MED23: variants seen among roughly 807,000 people sequenced by gnomAD.
MED23 encodes mediator of RNA polymerase II transcription subunit 23.
In MED23, 105 loss-of-function variants were observed where a neutral mutation model predicts 163.9. The ratio of observed to expected loss-of-function variants is 0.64; its 90% CI spans 0.55 to 0.75. The LOEUF (loss-of-function observed/expected upper bound fraction) is 0.75. Among genes scored for constraint, MED23 ranks in the 30% least tolerant of loss-of-function variants. The pLI is 0.00. For synonymous variants in MED23, 561 were observed against 565.6 expected (o/e 0.99, Z 0.12); for missense variants, 1,054 against 1,649.0 (o/e 0.64, Z 6.25).
At chr6:131,622,000 T>C (rs768734665) in intron 5 of MED23, 21 bp from the exon 6 acceptor site, 2 of 1,562,800 alleles carry the variant, frequency 1.3e-6, no homozygotes, top group South Asian at 1.1e-5. Context: ...AAAAAAGACA[T>C]GGGTTAAAAT....
chr6:131,615,194 G>C, intron 10 of MED23: 1 of 837,432 alleles, frequency 1.2e-6, no homozygotes, highest in Non-Finnish European at 1.8e-6. Flanking sequence ...GTTTTTTAGT[G>C]GCCTTGGTCT....
chr6:131,577,629 C>T (rs112185951), intron 30 of MED23, among the ~76,000 whole-genome samples: 3,016 of 151,948 alleles, frequency 0.02, 119 homozygotes, highest in African/African-American at 0.07. Context: ...TGGTCGGGCA[C>T]GGTGGCTGAG....
Position 131,627,147 on chromosome 6 carries a change from A to G in MED23, c.159+249T>C, listed in dbSNP as rs1263284834. ...TGAAAATGATCTCAATTAATCTAACATAGGGGAGGTTTTTTTTTTTAAACA... is the reference window on the plus strand; with the variant it reads ...TGAAAATGATCTCAATTAATCTAACGTAGGGGAGGTTTTTTTTTTTAAACA... On this transcript the variant is annotated intron_variant, in intron 3 of 28. Transcript: ENST00000368068. 1.8e-5 allele frequency: 8 copies of G among 455,850 alleles called. No individual in the cohort carries two copies. In the Admixed American group the frequency reaches 3.1e-4, roughly 18 times the overall value. The allele number at this position is 455,850 out of a possible 1,614,324, so 28.2% of individuals were successfully genotyped here.
intron 5 of MED23, 128 bp from the exon 6 acceptor site, chr6:131,622,107 T>A: frequency 1.5e-6 from 1 of 646,376 alleles, no homozygotes; most frequent in Non-Finnish European, 2.8e-6. Context: ...TCAGTTACAA[T>A]CTAAGTCCCT....
At chr6:131,620,868 T>C in intron 6 of MED23, 139 bp from the exon 7 acceptor site, 1 of 543,914 alleles carries the variant, frequency 1.8e-6, no homozygotes, top group Non-Finnish European at 3.2e-6. Context: ...AGTGGCGTAA[T>C]CATGGCTCAC....
intron 27 of MED23, among the ~76,000 whole-genome samples, chr6:131,590,069 C>G (rs911226805): frequency 5.9e-5 from 9 of 152,200 alleles, no homozygotes; most frequent in Middle Eastern, 3.2e-3. Context: ...ACTGTAAGAT[C>G]TCAAATGTAC....
chr6:131,610,042 A>G lies in MED23; in HGVS notation c.1077+4T>C. 3 of 1,612,844 alleles carry G rather than the reference A, an allele frequency of 1.9e-6. No individual in the cohort carries two copies. The highest frequency in any genetic ancestry group is 2.2e-5 in the East Asian group (1 of 44,868). On this transcript the variant is annotated splice_donor_region_variant and intron_variant, in intron 11 of 28. Transcript: ENST00000368068. ...TCACTCCGACCATAAGATTTAGTAC[A>G]TACCTTCTGATGAAGAGAAAGCACC...
Position 131,615,901 on chromosome 6 carries a change from C to T in MED23, c.876+6G>A. 1 of 1,602,740 alleles carries T rather than the reference C, an allele frequency of 6.2e-7. No individual in the cohort carries two copies. The highest frequency in any genetic ancestry group is 8.5e-7 in the Non-Finnish European group (1 of 1,169,874). On this transcript the variant is annotated splice_donor_region_variant and intron_variant, in intron 10 of 28. Transcript: ENST00000368068. ...AATTTACTAGGTTTCCAGCATAGTACAGTACCTGCTTATTTAAACCTAGCA... is the reference window on the plus strand; with the variant it reads ...AATTTACTAGGTTTCCAGCATAGTATAGTACCTGCTTATTTAAACCTAGCA...
chr6:131,595,910 G>C (rs1194484380), intron 22 of MED23, 37 bp downstream of exon 22: 2 of 1,465,288 alleles, frequency 1.4e-6, no homozygotes, highest in Non-Finnish European at 1.9e-6. Flanking sequence ...TTTGATAATG[G>C]AGGTATTAGA....
chr6:131,582,830 C>A, downstream of MED23: 1 of 868,750 alleles, frequency 1.2e-6, no homozygotes, highest in Non-Finnish European at 1.9e-6. Flanking sequence ...CACACACACA[C>A]ATGCCCACAC....
At position 131,579,133 on chromosome 6, in the gene MED23, G is replaced by T. The variant is rs1320772127; in HGVS notation, c.4096-4838C>A. On this transcript the variant is annotated intron_variant, in intron 30 of 30. Coordinates refer to the MED23 transcript ENST00000354577. ...TAGAGTGTGATGTGAAGGATTATGG[G>T]GACCTGCCCTTTGCTGACATCCCTA... 1 of 1,613,908 alleles carries T rather than the reference G, an allele frequency of 6.2e-7. No homozygotes were observed. Among genetic ancestry groups the T allele is most frequent in the African/African-American group, 1.3e-5 (1 of 74,880 alleles).
chr6:131,609,436 T>C (rs891687022), intron 11 of MED23, among the ~76,000 whole-genome samples: 2 of 151,896 alleles, frequency 1.3e-5, no homozygotes, highest in Admixed American at 1.3e-4. Flanking sequence ...AGTTTCTATT[T>C]GTCCTTCAAG....
chr6:131,618,562 G>T, intron 8 of MED23, 43 bp from the exon 9 acceptor site: 1 of 1,231,042 alleles, frequency 8.1e-7, no homozygotes, highest in Non-Finnish European at 1.2e-6. Context: ...TGTGAACACA[G>T]CAGTACTTCA....
At chr6:131,579,394 T>A (rs1463307032) in intron 30 of MED23, 2 of 1,296,232 alleles carry the variant, frequency 1.5e-6, no homozygotes, top group East Asian at 5.1e-5. Flanking sequence ...GACCTATATT[T>A]TATATCAAAT....
rs1250428367 is a variant in MED23 at position 131,622,015 on chromosome 6, T to C, written c.397-36A>G. ...AAAAAAGACATGGGTTAAAATTAAG[T>C]AGTGTCTACTGTGTTAGCTAAAACG... is the stretch of plus-strand genomic sequence containing the variant. On this transcript the variant is annotated intron_variant, in intron 5 of 28. Coordinates refer to ENST00000368068, the MANE Select transcript of MED23 (RefSeq NM_004830.4). 4.1e-6 allele frequency: 6 copies of C among 1,446,212 alleles called. No homozygotes were observed. The African/African-American group carries it at 8.4e-5, about 20-fold the overall frequency. The allele number at this position is 1,446,212 out of a possible 1,614,324, so 89.6% of individuals were successfully genotyped here. A position where few individuals can be genotyped will look rare whatever the true frequency, so the allele number is the denominator to read the frequency against.
intron 24 of MED23, 114 bp from the exon 25 acceptor site, chr6:131,592,574 A>G: frequency 1.1e-6 from 1 of 889,684 alleles, no homozygotes; most frequent in Non-Finnish European, 1.8e-6. Flanking sequence ...CAACTAATCC[A>G]TTTCAATAAA....
chr6:131,612,055 T>C (rs563048349), intron 10 of MED23, among the ~76,000 whole-genome samples: 8 of 152,128 alleles, frequency 5.3e-5, no homozygotes, highest in Non-Finnish European at 7.4e-5. Context: ...TTAAAGCTGA[T>C]GGTCTTTCAA....
At chr6:131,621,080 A>G (rs983681816) in intron 6 of MED23, among the ~76,000 whole-genome samples, 2 of 152,144 alleles carry the variant, frequency 1.3e-5, no homozygotes, top group Non-Finnish European at 2.9e-5. Flanking sequence ...GGGATTACAG[A>G]CATGCGCCAC....
At chr6:131,597,475 C>CAAAAAA (rs59083644) in intron 20 of MED23, among the ~76,000 whole-genome samples, 477 of 51,916 alleles carry the variant, frequency 9.2e-3, no homozygotes, top group Non-Finnish European at 0.014. Flanking sequence ...GACTCCATAT[C>CAAAAAA]AAAAAAAAAA....
Sources: allele counts gnomAD v4.1 joint callset (sites outside exome capture counted in the v4.1 genomes callset), GRCh38; gene constraint gnomAD v4.1.1; transcripts MANE v1.5; gene names NCBI Gene and HGNC (gene_info 2026-07-23, HGNC 2026-07-21).